The following RPS6KC1 variants were observed in gnomAD, a reference collection of about 807,000 sequenced individuals.
RPS6KC1 encodes inactive ribosomal protein S6 kinase delta-1.
RPS6KC1 carries 54 observed loss-of-function variants against 103.8 expected under a neutral mutation model. That is an observed-to-expected ratio of 0.52 (90% CI 0.42 to 0.65). RPS6KC1 has a LOEUF of 0.65. Ranked by LOEUF, RPS6KC1 falls within the 30% of genes least tolerant of loss-of-function variation. The pLI is 0.00. For synonymous variants in RPS6KC1, 439 were observed against 438.7 expected (o/e 1.00, Z -0.01); for missense variants, 1,151 against 1,253.8 (o/e 0.92, Z 1.24).
rs1031211345 is a variant in RPS6KC1, at chr1:213,176,451, G to C, written c.1003G>C (p.Glu335Gln). 1.9e-6 allele frequency: 3 copies of C among 1,608,924 alleles called. 1 individual carries two copies. The Admixed American group carries it at 5.0e-5, about 27-fold the overall frequency. The change falls in exon 8 of 15, where the codon GAG (glutamate) becomes CAG (glutamine). Residue 335 changes from glutamate to glutamine, a missense_variant. This residue lies in a region of RPS6KC1 where 959 missense variants were observed against 1,006.3 expected (regional missense o/e 0.95). Transcript: ENST00000366960. Reference sequence around the variant, plus strand: ...CCTTTGGAACCTAAGGAGCCCTGCCGAGGAGCTGAAGGCCTTCAGAGTCCT... The same window carrying C: ...CCTTTGGAACCTAAGGAGCCCTGCCCAGGAGCTGAAGGCCTTCAGAGTCCT... ...RPLWNLRSPAEELKAFRVLGV... is the reference protein window; with the variant it reads ...RPLWNLRSPAQELKAFRVLGV...
the RPS6KC1 span, among the ~76,000 whole-genome samples, chr1:213,469,628 G>A: frequency 6.6e-6 from 1 of 152,144 alleles, no homozygotes; most frequent in Non-Finnish European, 1.5e-5. Flanking sequence ...CCTTTCCCAA[G>A]CCCTGACATC....
the RPS6KC1 span, among the ~76,000 whole-genome samples, chr1:213,431,670 T>C: frequency 1.3e-5 from 2 of 151,980 alleles, no homozygotes; most frequent in South Asian, 4.2e-4. Context: ...TGTGTGTGTG[T>C]GTGTGTGTGT....
the RPS6KC1 span, among the ~76,000 whole-genome samples, chr1:213,300,544 A>G: frequency 1.3e-5 from 2 of 152,282 alleles, no homozygotes; most frequent in Non-Finnish European, 2.9e-5. Context: ...CTTTCCCCTA[A>G]TGTGTTCACA....
At chr1:213,173,423 CTTG>C (rs2091631088) in intron 7 of RPS6KC1, among the ~76,000 whole-genome samples, 1 of 152,156 alleles carries the variant, frequency 6.6e-6, no homozygotes, top group African/African-American at 2.4e-5. Flanking sequence ...CATAGAAAGA[CTTG>C]TTGTCTAGAC....
chr1:213,770,887 T>C, the RPS6KC1 span, among the ~76,000 whole-genome samples: 49 of 152,344 alleles, frequency 3.2e-4, no homozygotes, highest in Middle Eastern at 3.4e-3. Flanking sequence ...CATATCTACT[T>C]TCACTGTGGT....
At chr1:213,208,411 C>T (rs1048214861) in intron 8 of RPS6KC1, among the ~76,000 whole-genome samples, 14 of 152,268 alleles carry the variant, frequency 9.2e-5, no homozygotes, top group Middle Eastern at 3.4e-3. Flanking sequence ...TCTTTGGAGG[C>T]CTGTAGGATT....
At chr1:213,736,291 G>T in the RPS6KC1 span, among the ~76,000 whole-genome samples, 7 of 152,158 alleles carry the variant, frequency 4.6e-5, no homozygotes, top group Non-Finnish European at 8.8e-5. Flanking sequence ...TTTCAGCCAG[G>T]CCGTGTTCTC....
At chr1:213,092,033 G>C (rs751676584) in intron 3 of RPS6KC1, among the ~76,000 whole-genome samples, 3 of 151,434 alleles carry the variant, frequency 2.0e-5, no homozygotes, top group Non-Finnish European at 4.4e-5. Flanking sequence ...GTATAGTTTG[G>C]TGCTGTTGCC....
the RPS6KC1 span, among the ~76,000 whole-genome samples, chr1:213,535,678 T>G: frequency 6.6e-6 from 1 of 152,194 alleles, no homozygotes; most frequent in Non-Finnish European, 1.5e-5. Flanking sequence ...ATCTTTCTGC[T>G]TGGCCATTCT....
chr1:213,500,279 A>G, the RPS6KC1 span, among the ~76,000 whole-genome samples: 1 of 152,274 alleles, frequency 6.6e-6, no homozygotes, highest in Admixed American at 6.5e-5. Flanking sequence ...GGGCCTACAC[A>G]AAGTCAGGAT....
chr1:213,753,155 T>TA, the RPS6KC1 span, among the ~76,000 whole-genome samples: 1 of 152,144 alleles, frequency 6.6e-6, no homozygotes, highest in African/African-American at 2.4e-5. Flanking sequence ...CATCCAGTGG[T>TA]AGCCATGGGA....
chr1:213,586,517 CTGTT>C, the RPS6KC1 span, among the ~76,000 whole-genome samples: 1 of 152,210 alleles, frequency 6.6e-6, no homozygotes, highest in African/African-American at 2.4e-5. Context: ...CTAATGCTGT[CTGTT>C]AGGGCAATAA....
At chr1:213,705,877 T>C in the RPS6KC1 span, among the ~76,000 whole-genome samples, 2 of 152,178 alleles carry the variant, frequency 1.3e-5, no homozygotes, top group African/African-American at 4.8e-5. Context: ...TCTAGAAATG[T>C]CTTCTAGAAG....
At chr1:213,463,606 C>T in the RPS6KC1 span, among the ~76,000 whole-genome samples, 2 of 152,154 alleles carry the variant, frequency 1.3e-5, no homozygotes, top group African/African-American at 2.4e-5. Context: ...TACATGTCCT[C>T]TGAGCTCTCT....
At chr1:213,513,223 T>C in the RPS6KC1 span, among the ~76,000 whole-genome samples, 1 of 151,998 alleles carries the variant, frequency 6.6e-6, no homozygotes, top group Non-Finnish European at 1.5e-5. Context: ...CCTCTAGAAG[T>C]GGGGAAGAGC....
chr1:213,681,883 C>T, the RPS6KC1 span, among the ~76,000 whole-genome samples: 1 of 152,124 alleles, frequency 6.6e-6, no homozygotes, highest in Non-Finnish European at 1.5e-5. Context: ...CTTTCTGTTT[C>T]CACCAAATTC....
At chr1:213,593,666 G>A in the RPS6KC1 span, among the ~76,000 whole-genome samples, 3 of 152,064 alleles carry the variant, frequency 2.0e-5, no homozygotes, top group Non-Finnish European at 4.4e-5. Context: ...GAAGGCATTC[G>A]TGGTAAAGGG....
chr1:213,111,640 A>G (rs369578952), intron 4 of RPS6KC1, among the ~76,000 whole-genome samples: 1 of 152,204 alleles, frequency 6.6e-6, no homozygotes, highest in Non-Finnish European at 1.5e-5. Context: ...ACATTGTTCT[A>G]AATACTCTGT....
chr1:213,251,193 A>G (rs1410832670), intron 12 of RPS6KC1, among the ~76,000 whole-genome samples: 1 of 132,824 alleles, frequency 7.5e-6, no homozygotes, highest in South Asian at 2.3e-4. Context: ...TATAACCTCC[A>G]CCTCCTGGGT....
Sources: gnomAD v4.1 joint callset for allele counts (sites outside exome capture counted in the v4.1 genomes callset) on GRCh38, gnomAD v4.1.1 for gene constraint, gnomAD v4.1.1 regional missense constraint, MANE v1.5 for transcripts, NCBI Gene and HGNC (gene_info 2026-07-23, HGNC 2026-07-21) for gene names.